Variants in MDGA2 observed in about 807,000 individuals in gnomAD.
The protein encoded by MDGA2 is MAM domain containing glycosylphosphatidylinositol anchor 2, also known as MAM domain-containing glycosylphosphatidylinositol anchor protein 2.
In MDGA2, 40 loss-of-function variants were observed where a neutral mutation model predicts 117.8. That is an observed-to-expected ratio of 0.34 (90% CI 0.26 to 0.44). MDGA2 has a LOEUF of 0.44. Ranked by LOEUF, MDGA2 falls within the 20% of genes least tolerant of loss-of-function variation. The pLI, the probability that MDGA2 is intolerant of heterozygous loss-of-function variation, is 1.00. For missense variants in MDGA2, 1,123 were observed against 1,250.6 expected (o/e 0.90, Z 1.54); for synonymous variants, 452 against 439.0 (o/e 1.03, Z -0.37).
intron 1 of MDGA2, among the ~76,000 whole-genome samples, chr14:47,412,349 G>A (rs1324620444): frequency 1.3e-5 from 2 of 152,146 alleles, no homozygotes; most frequent in Non-Finnish European, 2.9e-5. Flanking sequence ...TGTGCTCACA[G>A]CTCACTGCAG....
chr14:46,961,676 T>C (rs1428499878), intron 8 of MDGA2, among the ~76,000 whole-genome samples: 1 of 151,338 alleles, frequency 6.6e-6, no homozygotes, highest in Non-Finnish European at 1.5e-5. Flanking sequence ...GGAGTCTCAC[T>C]CTGTCACCCA....
intron 14 of MDGA2, among the ~76,000 whole-genome samples, chr14:46,856,732 T>G (rs1881282086): frequency 6.6e-6 from 1 of 152,120 alleles, no homozygotes; most frequent in African/African-American, 2.4e-5. Flanking sequence ...TCTTCTGTTT[T>G]TCCTTCTCCC....
At chr14:47,196,446 C>T (rs985180862) in intron 3 of MDGA2, among the ~76,000 whole-genome samples, 1 of 152,142 alleles carries the variant, frequency 6.6e-6, no homozygotes, top group Admixed American at 6.5e-5. Flanking sequence ...TAAGTACTAG[C>T]TGCTTCCTAA....
At chr14:47,321,011 T>C (rs1889963566) in intron 1 of MDGA2, among the ~76,000 whole-genome samples, 1 of 152,192 alleles carries the variant, frequency 6.6e-6, no homozygotes, top group South Asian at 2.1e-4. Flanking sequence ...AAGGACATCC[T>C]ATCGTATATT....
At chr14:47,652,081 G>C (rs946607129) in intron 1 of MDGA2, among the ~76,000 whole-genome samples, 2 of 152,178 alleles carry the variant, frequency 1.3e-5, no homozygotes, top group African/African-American at 2.4e-5. Flanking sequence ...AGGCAAGAGG[G>C]TGCATGGTGA....
chr14:47,227,236 A>T (rs937464970), intron 2 of MDGA2, among the ~76,000 whole-genome samples: 6 of 152,146 alleles, frequency 3.9e-5, no homozygotes, highest in African/African-American at 1.2e-4. Flanking sequence ...TTGCACTCAG[A>T]GGGAAAGCCT....
intron 2 of MDGA2, among the ~76,000 whole-genome samples, chr14:47,219,378 A>G (rs1273669419): frequency 6.6e-6 from 1 of 152,080 alleles, no homozygotes; most frequent in Non-Finnish European, 1.5e-5. Flanking sequence ...GATGAATTTT[A>G]AAAATCTGTA....
At chr14:47,474,383 TATC>T (rs1008109280) in intron 1 of MDGA2, among the ~76,000 whole-genome samples, 3 of 151,942 alleles carry the variant, frequency 2.0e-5, no homozygotes, top group Non-Finnish European at 4.4e-5. Flanking sequence ...GAAGAATCAA[TATC>T]ATGAAAATGG....
intron 1 of MDGA2, among the ~76,000 whole-genome samples, chr14:47,369,171 C>T (rs1891291943): frequency 6.6e-6 from 1 of 152,064 alleles, no homozygotes; most frequent in African/African-American, 2.4e-5. Context: ...GCTTTTCCCC[C>T]TTAGTGATAT....
At chr14:47,052,584 G>T (rs373328126) in intron 7 of MDGA2, among the ~76,000 whole-genome samples, 1 of 151,736 alleles carries the variant, frequency 6.6e-6, no homozygotes, top group Admixed American at 6.6e-5. Context: ...GGAAATAATA[G>T]AATACTCTCC....
At chr14:47,373,773 TACTAAATAACATTCAATGTTGGCCTGAA>T (rs1360390352) in intron 1 of MDGA2, among the ~76,000 whole-genome samples, 2 of 152,152 alleles carry the variant, frequency 1.3e-5, no homozygotes, top group Non-Finnish European at 2.9e-5. Flanking sequence ...TTTGTGAATC[TACTAAATAACATTCAATGTTGGCCTGAA>T]ATGGGTGAAT....
At chr14:46,949,347 TTTC>T (rs1317491303) in intron 9 of MDGA2, among the ~76,000 whole-genome samples, 2 of 151,996 alleles carry the variant, frequency 1.3e-5, no homozygotes, top group Non-Finnish European at 2.9e-5. Flanking sequence ...GATACTGTGA[TTTC>T]TTTTTTATTA....
intron 2 of MDGA2, among the ~76,000 whole-genome samples, chr14:47,235,124 C>T (rs1333623347): frequency 6.6e-6 from 1 of 152,142 alleles, no homozygotes; most frequent in Admixed American, 6.6e-5. Flanking sequence ...GTTAATAAGA[C>T]TTGAAAGACA....
chr14:47,098,132 G>A (rs886076432), intron 5 of MDGA2, among the ~76,000 whole-genome samples: 5 of 150,916 alleles, frequency 3.3e-5, no homozygotes, highest in South Asian at 2.1e-4. Context: ...AATCTACATC[G>A]GAAATATTTA....
chr14:47,510,684 C>A (rs1313286795), intron 1 of MDGA2, among the ~76,000 whole-genome samples: 1 of 152,190 alleles, frequency 6.6e-6, no homozygotes, highest in African/African-American at 2.4e-5. Context: ...GGGAAGCCTT[C>A]CAGTGATTTT....
At position 47,366,297 on chromosome 14, in the gene MDGA2, G is replaced by C. The variant is rs1447340673; in HGVS notation, c.281-64747C>G. ...CATAATAGTGTCTTTTCTGCAGAAAGAGTAGGAAGAATTTTAAAATGTAAA... is the reference window on the plus strand; with the variant it reads ...CATAATAGTGTCTTTTCTGCAGAAACAGTAGGAAGAATTTTAAAATGTAAA... On this transcript the variant is annotated intron_variant, in intron 1 of 16. Coordinates refer to ENST00000399232, the MANE Select transcript of MDGA2 (RefSeq NM_001113498.3). Among the ~76,000 whole-genome samples the C allele has an allele frequency of 4.6e-5, 7 of 152,026 alleles. 1 individual carries two copies.
chr14:47,274,828 T>C (rs1354997077), intron 2 of MDGA2, among the ~76,000 whole-genome samples: 1 of 152,154 alleles, frequency 6.6e-6, no homozygotes, highest in Non-Finnish European at 1.5e-5. Context: ...ATGTTGAGCA[T>C]GTATTTTACG....
rs1291974407 is a variant in MDGA2 at position 47,142,181 on chromosome 14, C to T, written c.792+1897G>A. Among the ~76,000 whole-genome samples, 3 of 152,128 alleles carry T rather than the reference C, an allele frequency of 2.0e-5. No homozygotes were observed. In the East Asian group the frequency reaches 5.8e-4, roughly 29 times the overall value. ...CCATATAGCCGGGCACGGTGGCTCACACCTGTAATCCCAGCACATTGGGAG... is the reference window on the plus strand; with the variant it reads ...CCATATAGCCGGGCACGGTGGCTCATACCTGTAATCCCAGCACATTGGGAG... On this transcript the variant is annotated intron_variant, in intron 4 of 16. Transcript: ENST00000399232.
chr14:47,596,945 C>T (rs1437691460), intron 1 of MDGA2, among the ~76,000 whole-genome samples: 1 of 152,132 alleles, frequency 6.6e-6, no homozygotes, highest in Non-Finnish European at 1.5e-5. Context: ...TAAGCCCATT[C>T]TGTAAGAGCC....
Sources: gnomAD v4.1 joint callset for allele counts (sites outside exome capture counted in the v4.1 genomes callset) on GRCh38, gnomAD v4.1.1 for gene constraint, MANE v1.5 for transcripts, NCBI Gene and HGNC (gene_info 2026-07-23, HGNC 2026-07-21) for gene names.